Variants in CORO2B observed in about 807,000 individuals in gnomAD.
CORO2B encodes the protein coronin 2B, also known as coronin-2B.
In CORO2B, 26 loss-of-function variants were observed where a neutral mutation model predicts 58.8. That is an observed-to-expected ratio of 0.44 (90% CI 0.32 to 0.61). The LOEUF (loss-of-function observed/expected upper bound fraction) is 0.61. Ranked by LOEUF, CORO2B falls within the 20% of genes least tolerant of loss-of-function variation. The pLI is 0.04. For missense variants in CORO2B, 460 were observed against 645.1 expected (o/e 0.71, Z 3.11); for synonymous variants, 242 against 253.8 (o/e 0.95, Z 0.44).
chr15:68,583,987 C>T (rs1311412026), intron 1 of CORO2B, among the ~76,000 whole-genome samples: 2 of 152,188 alleles, frequency 1.3e-5, no homozygotes, highest in Admixed American at 6.5e-5. Flanking sequence ...GGGAGGTGTG[C>T]GGCTAGCAGT....
chr15:68,593,518 G>T (rs118168738), intron 1 of CORO2B, among the ~76,000 whole-genome samples: 3,290 of 152,252 alleles, frequency 0.022, 49 homozygotes, highest in Middle Eastern at 0.044. Context: ...ACAATCTGGA[G>T]CCTCGTTCTC....
intron 3 of CORO2B, among the ~76,000 whole-genome samples, chr15:68,703,858 T>C (rs8042264): frequency 0.027 from 4,069 of 152,114 alleles, 188 homozygotes; most frequent in African/African-American, 0.094. Flanking sequence ...AAACTTCATA[T>C]CATATGTATT....
At chr15:68,715,569 C>T (rs1028160365) in intron 8 of CORO2B, among the ~76,000 whole-genome samples, 1 of 152,228 alleles carries the variant, frequency 6.6e-6, no homozygotes, top group Admixed American at 6.5e-5. Flanking sequence ...CTCCTGATCG[C>T]AGATGGGGAG....
the CORO2B span, among the ~76,000 whole-genome samples, chr15:68,565,119 C>T: frequency 6.6e-6 from 1 of 152,058 alleles, no homozygotes; most frequent in African/African-American, 2.4e-5. Context: ...GATAGATAGA[C>T]AAATATTGCT....
At chr15:68,565,914 A>T in the CORO2B span, among the ~76,000 whole-genome samples, 1 of 152,210 alleles carries the variant, frequency 6.6e-6, no homozygotes. Flanking sequence ...GCCCACAGCC[A>T]GCAGGGAAGC....
intron 2 of CORO2B, among the ~76,000 whole-genome samples, chr15:68,689,939 T>C (rs923697052): frequency 6.6e-6 from 1 of 152,208 alleles, no homozygotes; most frequent in Non-Finnish European, 1.5e-5. Context: ...TTTAGGAATT[T>C]AGGAGTTTTG....
At chr15:68,606,064 C>T (rs561262685) in intron 1 of CORO2B, among the ~76,000 whole-genome samples, 4 of 151,940 alleles carry the variant, frequency 2.6e-5, no homozygotes, top group African/African-American at 7.2e-5. Flanking sequence ...GTGGGTGAAG[C>T]CTCGTTTACT....
At chr15:68,587,690 CA>C (rs1199797273) in intron 1 of CORO2B, among the ~76,000 whole-genome samples, 3 of 152,184 alleles carry the variant, frequency 2.0e-5, no homozygotes, top group Admixed American at 1.3e-4. Flanking sequence ...CAAGCATATA[CA>C]ATATGTTTTA....
At chr15:68,536,877 AT>A in the CORO2B span, among the ~76,000 whole-genome samples, 2 of 152,132 alleles carry the variant, frequency 1.3e-5, no homozygotes, top group African/African-American at 2.4e-5. Context: ...CCTCCTTCCT[AT>A]TGGCTGGAAT....
chr15:68,714,432 G>A (rs1245591114), intron 6 of CORO2B, 127 bp from the exon 7 acceptor site: 4 of 727,240 alleles, frequency 5.5e-6, no homozygotes, highest in East Asian at 2.5e-5. Flanking sequence ...CCCATAGGAC[G>A]GGCTTTTTAA....
chr15:68,603,326 C>T lies in CORO2B; in HGVS notation c.15+24049C>T, dbSNP rs969187282. Among the ~76,000 whole-genome samples, 8 of 152,140 alleles carry T rather than the reference C, an allele frequency of 5.3e-5. No homozygotes were observed. In the South Asian group the frequency reaches 6.2e-4, roughly 12 times the overall value. ...GGATGGGAGGGTATGCACAGATGAG[C>T]GAAAGTTGGCCTGTAACCTCCAAAT... On this transcript the variant is annotated intron_variant, in intron 1 of 11. Transcript: ENST00000261861.
intron 11 of CORO2B, among the ~76,000 whole-genome samples, chr15:68,720,044 A>G (rs1265597240): frequency 6.6e-6 from 1 of 152,130 alleles, no homozygotes; most frequent in East Asian, 1.9e-4. Context: ...GGCCTTGTCC[A>G]TGTCCCCCAG....
At chr15:68,530,660 A>T in the CORO2B span, among the ~76,000 whole-genome samples, 3 of 152,238 alleles carry the variant, frequency 2.0e-5, no homozygotes, top group Middle Eastern at 6.8e-3. Context: ...TTACATATTG[A>T]GGATTTTTGT....
chr15:68,601,226 G>C (rs1300151048), intron 1 of CORO2B, among the ~76,000 whole-genome samples: 3 of 152,196 alleles, frequency 2.0e-5, no homozygotes, highest in African/African-American at 4.8e-5. Context: ...TTCTTGGCTT[G>C]AGTGCCAAGC....
intron 1 of CORO2B, among the ~76,000 whole-genome samples, chr15:68,584,092 G>C (rs1287388914): frequency 2.0e-5 from 3 of 152,242 alleles, no homozygotes; most frequent in African/African-American, 7.2e-5. Flanking sequence ...CACAGTCCCT[G>C]GGATCCAGGA....
chr15:68,574,909 T>C (rs1899251017), upstream of CORO2B, among the ~76,000 whole-genome samples: 1 of 152,130 alleles, frequency 6.6e-6, no homozygotes, highest in Non-Finnish European at 1.5e-5. Context: ...GGAAAGAGCA[T>C]GGCCTAAAGC....
At chr15:68,664,321 G>T (rs894605527) in intron 2 of CORO2B, among the ~76,000 whole-genome samples, 14 of 152,136 alleles carry the variant, frequency 9.2e-5, no homozygotes, top group African/African-American at 3.1e-4. Flanking sequence ...CCAGCAAAGT[G>T]TAAGTGTGCC....
chr15:68,682,872 A>C (rs1902836058), intron 2 of CORO2B, among the ~76,000 whole-genome samples: 1 of 152,228 alleles, frequency 6.6e-6, no homozygotes, highest in Non-Finnish European at 1.5e-5. Flanking sequence ...TCACAACTCA[A>C]AATGAGTTTC....
chr15:68,556,771 G>A, the CORO2B span, among the ~76,000 whole-genome samples: 1 of 152,180 alleles, frequency 6.6e-6, no homozygotes, highest in Non-Finnish European at 1.5e-5. Flanking sequence ...CGTGACTGTG[G>A]CTGCCGAGGG....
Sources: gnomAD v4.1 joint callset for allele counts (sites outside exome capture counted in the v4.1 genomes callset) on GRCh38, gnomAD v4.1.1 for gene constraint, MANE v1.5 for transcripts, NCBI Gene and HGNC (gene_info 2026-07-23, HGNC 2026-07-21) for gene names.